DDX11: variants seen among roughly 807,000 people sequenced by gnomAD.
DDX11 encodes the protein DEAD/H-box helicase 11.
A neutral mutation model predicts 125.2 loss-of-function variants in DDX11; 72 were observed. The ratio of observed to expected loss-of-function variants is 0.58; its 90% confidence interval spans 0.48 to 0.70. DDX11 has a LOEUF of 0.70. Ranked by LOEUF, DDX11 falls within the 30% of genes least tolerant of loss-of-function variation. The pLI is 0.00. For missense variants in DDX11, 883 were observed against 1,165.0 expected (o/e 0.76, Z 3.52); for synonymous variants, 347 against 452.6 (o/e 0.77, Z 2.96).
chr12:31,084,041 G>T lies in DDX11; in HGVS notation c.373G>T (p.Asp125Tyr), dbSNP rs1391406448. The T allele has an allele frequency of 1.2e-6, 2 of 1,613,806 alleles. No individual in the cohort carries two copies. Among genetic ancestry groups the T allele is most frequent in the Non-Finnish European group, 1.7e-6 (2 of 1,179,874 alleles). ...GTTTGTGCAGAAGAAAGAAGAGAGGGACCTGGTGGACCGACTAAAGGTGAG... is the reference window on the plus strand; with the variant it reads ...GTTTGTGCAGAAGAAAGAAGAGAGGTACCTGGTGGACCGACTAAAGGTGAG... ...TQFVQKKEER[D>Y]LVDRLKAEQA... Residue 125 changes from aspartate to tyrosine, a missense_variant, in exon 3 of 27, where the codon GAC becomes TAC. Around this residue, in one of 5 missense-constraint regions of DDX11, gnomAD observed 283 missense variants for 359.6 expected, o/e 0.79. Coordinates refer to ENST00000542838, the MANE Select transcript of DDX11 (RefSeq NM_030653.4).
chr12:31,089,040 C>T lies in DDX11; in HGVS notation c.685-4C>T. The T allele has an allele frequency of 6.2e-7, 1 of 1,613,500 alleles. No individual in the cohort carries two copies. The highest frequency in any genetic ancestry group is 8.5e-7 in the Non-Finnish European group (1 of 1,179,470). On this transcript the variant is annotated splice_region_variant and splice_polypyrimidine_tract_variant and intron_variant, in intron 6 of 26. Transcript: ENST00000542838. Reference sequence around the variant, plus strand: ...TTTGAAGCGCCTTTCTTTCTCTCTGCTAGATTTATTACTGTAGTCGGACAC... The same window carrying T: ...TTTGAAGCGCCTTTCTTTCTCTCTGTTAGATTTATTACTGTAGTCGGACAC...
At position 31,102,252 on chromosome 12, in the gene DDX11, G is replaced by A. The variant is rs1446735610; in HGVS notation, c.2212G>A (p.Glu738Lys). 6.2e-7 allele frequency: 1 copy of A among 1,614,010 alleles called. No homozygotes were observed. The highest frequency in any genetic ancestry group is 1.7e-5 in the Admixed American group (1 of 60,030). Residue 738 changes from glutamate to lysine, a missense_variant, in exon 22 of 27, where the codon GAA (glutamate) becomes AAA (lysine). By Grantham distance (56) the Glu-to-Lys change is moderately conservative. This residue lies in a region of DDX11 where 285 missense variants were observed against 346.0 expected (regional missense o/e 0.82). Transcript: ENST00000542838. ...RLAARKKIFQ[E>K]PKSAHQVEQV... Reference sequence around the variant, plus strand: ...CCTCTGTCTTTCTCAGATATTCCAGGAACCTAAGAGCGCACACCAGGTGGA... The same window carrying A: ...CCTCTGTCTTTCTCAGATATTCCAGAAACCTAAGAGCGCACACCAGGTGGA...
intron 18 of DDX11, among the ~76,000 whole-genome samples, chr12:31,098,408 T>C (rs1442657739): frequency 2.6e-5 from 4 of 152,304 alleles, no homozygotes; most frequent in African/African-American, 9.6e-5. Flanking sequence ...GTGCTGTCAC[T>C]GGAACTTGCT....
At chr12:31,092,963 G>A in intron 11 of DDX11, 71 bp downstream of exon 11, 1 of 1,587,672 alleles carries the variant, frequency 6.3e-7, no homozygotes, top group Non-Finnish European at 8.7e-7. Flanking sequence ...TGAGAGGCAG[G>A]CAGCACTTTG....
At chr12:31,099,923 T>A (rs940723607) in intron 18 of DDX11, among the ~76,000 whole-genome samples, 1 of 152,206 alleles carries the variant, frequency 6.6e-6, no homozygotes, top group African/African-American at 2.4e-5. Context: ...AAACGTGTCT[T>A]CATTTTTCCC....
intron 12 of DDX11, among the ~76,000 whole-genome samples, chr12:31,093,998 T>G (rs1215367895): frequency 1.3e-5 from 2 of 150,890 alleles, no homozygotes; most frequent in Non-Finnish European, 2.9e-5. Flanking sequence ...AACGCAGTGC[T>G]GGTATTTGAA....
intron 1 of DDX11, among the ~76,000 whole-genome samples, chr12:31,075,788 C>T (rs530690354): frequency 1.3e-5 from 2 of 152,242 alleles, no homozygotes; most frequent in African/African-American, 2.4e-5. Flanking sequence ...AGACAAGGTT[C>T]CTCTATTTAT....
chr12:31,100,401 A>T (rs1424035969), intron 18 of DDX11: 11 of 434,232 alleles, frequency 2.5e-5, no homozygotes, highest in East Asian at 4.2e-5. Flanking sequence ...GTTGATAATG[A>T]CTGTGCCAGA....
At chr12:31,099,084 CTTTTTTTTTTT>C (rs763612105) in intron 18 of DDX11, among the ~76,000 whole-genome samples, 1 of 63,722 alleles carries the variant, frequency 1.6e-5, no homozygotes, top group African/African-American at 7.9e-5. Flanking sequence ...TTCTTTCTTT[CTTTTTTTTTTT>C]TTTTTTTTTT....
Position 31,085,078 on chromosome 12 carries a change from T to A in DDX11, c.590T>A (p.Leu197Gln). ...LEQLESGEEELVLAEYESDEE... is the reference protein window; with the variant it reads ...LEQLESGEEEQVLAEYESDEE... ...CAGCTGGAGTCTGGGGAGGAGGAGC[T>A]GGTCCTCGCCGAATACGAGAGTGAT... is the stretch of plus-strand genomic sequence containing the variant. Residue 197 changes from leucine to glutamine, a missense_variant, in exon 5 of 27, where the codon CTG becomes CAG. This residue lies in a region of DDX11 where 283 missense variants were observed against 359.6 expected (regional missense o/e 0.79). Coordinates refer to ENST00000542838, the MANE Select transcript of DDX11 (RefSeq NM_030653.4). The A allele has an allele frequency of 6.3e-7, 1 of 1,598,746 alleles. No individual in the cohort carries two copies. The highest frequency in any genetic ancestry group is 8.5e-7 in the Non-Finnish European group (1 of 1,172,234).
intron 18 of DDX11, among the ~76,000 whole-genome samples, chr12:31,099,774 C>G (rs1022356115): frequency 1.3e-5 from 2 of 151,764 alleles, no homozygotes; most frequent in Admixed American, 1.3e-4. Flanking sequence ...ATTTGTATGG[C>G]TCAAAAGTCA....
chr12:31,077,761 G>T (rs2140393149), intron 1 of DDX11, among the ~76,000 whole-genome samples: 2 of 151,886 alleles, frequency 1.3e-5, no homozygotes, highest in African/African-American at 4.8e-5. Context: ...GGAGAATGGT[G>T]TGAACCCGGG....
chr12:31,099,080 CTTTCTTTTTTTT>C (rs1326074710), intron 18 of DDX11, among the ~76,000 whole-genome samples: 2 of 81,318 alleles, frequency 2.5e-5, no homozygotes, highest in South Asian at 4.3e-4. Context: ...TTCTTTCTTT[CTTTCTTTTTTTT>C]TTTTTTTTTT....
At chr12:31,083,048 A>T (rs1011046992) in intron 2 of DDX11, among the ~76,000 whole-genome samples, 1 of 152,188 alleles carries the variant, frequency 6.6e-6, no homozygotes, top group Admixed American at 6.5e-5. Flanking sequence ...ATCAGGCCAC[A>T]TTCTGAGATG....
chr12:31,078,019 G>A, intron 1 of DDX11: 1 of 378,966 alleles, frequency 2.6e-6, no homozygotes, highest in Non-Finnish European at 5.0e-6. Flanking sequence ...GAAGAAAGCT[G>A]CAAAAGTCAT....
At chr12:31,082,840 T>C (rs2553144) in intron 2 of DDX11, among the ~76,000 whole-genome samples, 8 of 149,242 alleles carry the variant, frequency 5.4e-5, no homozygotes, top group East Asian at 2.0e-4. Context: ...CTGAGGGTCG[T>C]GAGGGAAAGA....
At chr12:31,095,184 G>C (rs1170714143) in intron 14 of DDX11, among the ~76,000 whole-genome samples, 1 of 152,208 alleles carries the variant, frequency 6.6e-6, no homozygotes, top group Non-Finnish European at 1.5e-5. Context: ...CCTTGGGTCT[G>C]GTTGCAGCCT....
rs371991937 is a variant in DDX11, at chr12:31,093,923, G to A, written c.1369+599G>A. Among the ~76,000 whole-genome samples, 13 of 148,026 alleles carry A rather than the reference G, an allele frequency of 8.8e-5. 1 individual carries two copies. Among genetic ancestry groups the A allele is most frequent in the South Asian group, 6.7e-4 (3 of 4,490 alleles). ...CATCACATAGACACACGGTGTTTCC[G>A]TGATAGGCATAGTTCTGTGGGTTGT... On this transcript the variant is annotated intron_variant, in intron 12 of 26. Coordinates refer to ENST00000542838, the MANE Select transcript of DDX11 (RefSeq NM_030653.4).
Position 31,103,743 on chromosome 12 carries a change from C to T in DDX11, c.2691+12C>T, listed in dbSNP as rs1324823570. The T allele has an allele frequency of 6.2e-7, 1 of 1,613,650 alleles. No homozygotes were observed. Among genetic ancestry groups the T allele is most frequent in the Admixed American group, 1.7e-5 (1 of 60,018 alleles). ...CTGCTGTGCAGAAGGTCAGTCCTAC[C>T]TTTTTCTTTCTGAGAGCCTCCCCAC... On this transcript the variant is annotated intron_variant, in intron 26 of 26. Transcript: ENST00000542838.
Sources: allele counts gnomAD v4.1 joint callset (sites outside exome capture counted in the v4.1 genomes callset), GRCh38; gene constraint gnomAD v4.1.1; regional missense constraint gnomAD v4.1.1; transcripts MANE v1.5; gene names NCBI Gene and HGNC (gene_info 2026-07-23, HGNC 2026-07-21).